The following TOP2A variants were observed in gnomAD, a reference collection of about 807,000 sequenced individuals.
TOP2A encodes DNA topoisomerase II alpha.
Under a neutral mutation model 187.2 loss-of-function variants are expected in TOP2A, and 68 were observed. The observed-to-expected ratio is 0.36, with a 90% CI of 0.30 to 0.44. The LOEUF is 0.44. Among genes scored for constraint, TOP2A ranks in the 20% least tolerant of loss-of-function variants. The probability of loss-of-function intolerance (pLI) is 1.00; values close to 1 mark genes in which losing one functional copy is unlikely to be tolerated. For missense variants in TOP2A, 1,196 were observed against 1,808.7 expected (o/e 0.66, Z 6.14); for synonymous variants, 542 against 593.2 (o/e 0.91, Z 1.25).
At chr17:40,391,382 C>T (rs1316563487) in intron 33 of TOP2A, 124 bp downstream of exon 33, 1 of 994,288 alleles carries the variant, frequency 1.0e-6, no homozygotes, top group East Asian at 2.7e-5. Flanking sequence ...GAAATTGCTT[C>T]CAATTGGAAA....
intron 13 of TOP2A, 34 bp from the exon 14 acceptor site, chr17:40,406,976 C>T (rs76819265): frequency 0.025 from 38,128 of 1,508,482 alleles, 642 homozygotes; most frequent in African/African-American, 0.077. Context: ...TTCAAAAGAA[C>T]TGTTAGGCTG....
chr17:40,395,060 A>G (rs1332608122), intron 29 of TOP2A, among the ~76,000 whole-genome samples: 1 of 152,148 alleles, frequency 6.6e-6, no homozygotes, highest in Non-Finnish European at 1.5e-5. Flanking sequence ...CAAGGCGGGC[A>G]AATCACAAGG....
intron 7 of TOP2A, among the ~76,000 whole-genome samples, chr17:40,412,151 G>C (rs1460283752): frequency 3.9e-5 from 6 of 152,160 alleles, no homozygotes. Context: ...AGCCGTGATT[G>C]CATCACTGTA....
At chr17:40,409,877 T>G (rs1366611534) in intron 10 of TOP2A, 1 of 164,738 alleles carries the variant, frequency 6.1e-6, no homozygotes, top group African/African-American at 2.4e-5. Context: ...GTCAGGAGTT[T>G]GAGACCAGCC....
Position 40,404,164 on chromosome 17 carries a change from A to G in TOP2A, c.2271T>C (p.Tyr757=). 6.2e-7 allele frequency: 1 copy of G among 1,613,664 alleles called. No homozygotes were observed. The highest frequency in any genetic ancestry group is 8.5e-7 in the Non-Finnish European group (1 of 1,179,792). The change falls in exon 19 of 35, where the codon TAT becomes TAC. Residue 757 remains tyrosine (Y), a synonymous_variant. Transcript: ENST00000423485. ...ATTGTGTGTTTACCTCACCATGATG[A>G]TAAGAAGACATTTCAGCCACTGATC... ...LAGSVAEMSS[Y]HHGEMSLMMT...
chr17:40,392,703 A>C lies in TOP2A; in HGVS notation c.3846T>G (p.Phe1282Leu). 1.2e-6 allele frequency: 2 copies of C among 1,612,492 alleles called. No homozygotes were observed. Among genetic ancestry groups the C allele is most frequent in the Non-Finnish European group, 1.7e-6 (2 of 1,179,710 alleles). ...TKTKKQTTLA[F>L]KPIKKGKKRN... Reference sequence around the variant, plus strand: ...TCTTCTTTCCTTTTTTGATTGGCTTAAATGCCAATGTAGTTTGTTTCTTTG... The same window carrying C: ...TCTTCTTTCCTTTTTTGATTGGCTTCAATGCCAATGTAGTTTGTTTCTTTG... The change falls in exon 30 of 35, where the codon TTT becomes TTG. Residue 1282 changes from phenylalanine to leucine, a missense_variant. Around this residue, in one of 10 missense-constraint regions of TOP2A, gnomAD observed 374 missense variants for 403.3 expected, o/e 0.93. Transcript: ENST00000423485.
intron 21 of TOP2A, 60 bp downstream of exon 21, chr17:40,400,790 A>C (rs564835377): frequency 6.4e-7 from 1 of 1,563,150 alleles, no homozygotes; most frequent in East Asian, 2.2e-5. Flanking sequence ...TTAATCATAC[A>C]ATCTATTCAA....
In TOP2A at chr17:40,408,296, A is replaced by G. The variant is rs544977249; in HGVS notation, c.1343-172T>C. ...AAACATTCTTGTTTTATACTCCAAA[A>G]TAATCACCTCAATATTATTTATAAC... On this transcript the variant is annotated intron_variant, in intron 11 of 34. Coordinates refer to ENST00000423485, the MANE Select transcript of TOP2A (RefSeq NM_001067.4). Among the ~76,000 whole-genome samples the G allele has an allele frequency of 1.1e-4, 16 of 152,304 alleles. No homozygotes were observed. The East Asian group carries it at 3.1e-3, about 29-fold the overall frequency.
At position 40,411,663 on chromosome 17, in the gene TOP2A, G is replaced by A. The variant is rs2143682018; in HGVS notation, c.945C>T (p.Asn315=). 6.2e-7 allele frequency: 1 copy of A among 1,610,056 alleles called. No individual in the cohort carries two copies. The highest frequency in any genetic ancestry group is 8.5e-7 in the Non-Finnish European group (1 of 1,178,718). Residue 315 remains asparagine, a synonymous_variant, in exon 8 of 35, where the codon AAC becomes AAT. Coordinates refer to ENST00000423485, the MANE Select transcript of TOP2A (RefSeq NM_001067.4). The surrounding 1 kb of genome is among the most constrained non-coding windows in gnomAD (Gnocchi z 4.4). ...EKGFQQISFV[N]SIATSKGGRH... is the part of the protein sequence containing the mutation. Reference sequence around the variant, plus strand: ...AAATTACCTTGGATGTAGCAATGCTGTTGACAAAGCTAATTTGCTGAAAGC... The same window carrying A: ...AAATTACCTTGGATGTAGCAATGCTATTGACAAAGCTAATTTGCTGAAAGC...
chr17:40,402,751 T>TG (rs1027081211), intron 20 of TOP2A, among the ~76,000 whole-genome samples, 155 bp downstream of exon 20: 24 of 152,348 alleles, frequency 1.6e-4, no homozygotes, highest in African/African-American at 5.8e-4. Context: ...ATAATTGTTA[T>TG]GGGGGGGCTT....
intron 29 of TOP2A, among the ~76,000 whole-genome samples, chr17:40,395,175 C>T (rs575549136): frequency 1.3e-5 from 2 of 150,444 alleles, no homozygotes; most frequent in African/African-American, 4.9e-5. Context: ...CCCAGCTACT[C>T]AGGAAGCTGA....
intron 28 of TOP2A, 102 bp from the exon 29 acceptor site, chr17:40,395,641 A>G (rs1316803424): frequency 1.4e-6 from 1 of 718,588 alleles, no homozygotes; most frequent in East Asian, 3.1e-5. Flanking sequence ...CACGCCTGTA[A>G]TCCCAGCACT....
intron 29 of TOP2A, among the ~76,000 whole-genome samples, chr17:40,394,455 C>T (rs1006703311): frequency 1.3e-5 from 2 of 152,178 alleles, no homozygotes; most frequent in Non-Finnish European, 2.9e-5. Flanking sequence ...GCCTCAGCCT[C>T]TCGAGTAGCT....
intron 29 of TOP2A, among the ~76,000 whole-genome samples, chr17:40,393,270 TG>T (rs1209003906): frequency 1.5e-4 from 23 of 151,772 alleles, no homozygotes; most frequent in Admixed American, 1.5e-3. Flanking sequence ...GAGGCTGCAG[TG>T]GGCTGTGATC....
At chr17:40,403,786 C>T (rs1468535462) in intron 19 of TOP2A, among the ~76,000 whole-genome samples, 2 of 152,014 alleles carry the variant, frequency 1.3e-5, no homozygotes, top group African/African-American at 4.8e-5. Context: ...GAGAATAGAC[C>T]CTGGATATTC....
At chr17:40,404,318 C>A in intron 18 of TOP2A, 45 bp from the exon 19 acceptor site, 1 of 1,608,330 alleles carries the variant, frequency 6.2e-7, no homozygotes, top group South Asian at 1.1e-5. Flanking sequence ...TCAATTTAAC[C>A]AATTTTGGAA....
At position 40,404,807 on chromosome 17, in the gene TOP2A, A is replaced by G; in HGVS notation, c.2030T>C (p.Leu677Ser). The G allele has an allele frequency of 6.2e-7, 1 of 1,604,258 alleles. No homozygotes were observed. The highest frequency in any genetic ancestry group is 8.5e-7 in the Non-Finnish European group (1 of 1,174,450). ...AACTTTTACCTCAGGAAGCCCAAGT[A>G]ACTTTCGTTGTCTTCTATCCTCCAT... ...NFMEDRRQRK[L>S]LGLPEDYLYG... Residue 677 changes from leucine (L) to serine (S), a missense_variant, in exon 17 of 35, where the codon TTA (leucine) becomes TCA (serine). Leu to Ser is a moderately radical substitution (Grantham distance 145, BLOSUM62 -2). Coordinates refer to ENST00000423485, the MANE Select transcript of TOP2A (RefSeq NM_001067.4).
chr17:40,400,448 G>A (rs1567784789), intron 22 of TOP2A, 39 bp from the exon 23 acceptor site: 1 of 1,605,678 alleles, frequency 6.2e-7, no homozygotes, highest in Admixed American at 1.7e-5. Flanking sequence ...TAAAATATAG[G>A]CTTCTGAATA....
chr17:40,416,727 A>G lies in TOP2A; in HGVS notation c.177+13T>C. ...ACTACTAGGTTAACTGCCTTTGATG[A>G]GCTTGATTTTACCTGGGTCACTAAT... On this transcript the variant is annotated intron_variant, in intron 2 of 34. Transcript: ENST00000423485. 6.2e-7 allele frequency: 1 copy of G among 1,604,948 alleles called. No individual in the cohort carries two copies. The highest frequency in any genetic ancestry group is 8.5e-7 in the Non-Finnish European group (1 of 1,177,204).
Sources: gnomAD v4.1 joint callset for allele counts (sites outside exome capture counted in the v4.1 genomes callset) on GRCh38, gnomAD v4.1.1 for gene constraint, gnomAD v4.1.1 regional missense constraint, Gnocchi (gnomAD v3.1) non-coding constraint, MANE v1.5 for transcripts, NCBI Gene and HGNC (gene_info 2026-07-23, HGNC 2026-07-21) for gene names.